Variants in HNF4A observed in about 807,000 individuals in gnomAD.
HNF4A encodes hepatocyte nuclear factor 4 alpha.
HNF4A carries 15 observed loss-of-function variants against 52.4 expected under a neutral mutation model. That is an observed-to-expected ratio of 0.29 (90% CI 0.19 to 0.44). The LOEUF is 0.44. HNF4A is among the 20% of genes least tolerant of loss of function. The pLI is 1.00. For synonymous variants in HNF4A, 280 were observed against 264.4 expected (o/e 1.06, Z -0.57); for missense variants, 479 against 647.2 (o/e 0.74, Z 2.82).
At chr20:44,377,216 A>G (rs892802165) in intron 1 of HNF4A, among the ~76,000 whole-genome samples, 1 of 152,090 alleles carries the variant, frequency 6.6e-6, no homozygotes, top group Non-Finnish European at 1.5e-5. Context: ...GTTCTCACCT[A>G]TACGTGGGGG....
In HNF4A at chr20:44,390,625, A is replaced by T. The variant is rs1232078094; in HGVS notation, c.50-15433A>T. The T allele has an allele frequency of 4.3e-6, 3 of 702,532 alleles. No individual in the cohort carries two copies. The East Asian group carries it at 8.0e-5, about 19-fold the overall frequency. 43.5% of individuals were successfully genotyped at this position (702,532 alleles called of 1,614,324 possible). ...GGTTGTGCACTGTGCGGGACCCCAT[A>T]GCAGCAGGAGGAGGATGTCGGACTG... is the stretch of plus-strand genomic sequence containing the variant. On this transcript the variant is annotated intron_variant, in intron 1 of 9. Coordinates refer to the HNF4A transcript ENST00000316673.
At chr20:44,364,529 G>T (rs907053777) in intron 1 of HNF4A, among the ~76,000 whole-genome samples, 1 of 151,702 alleles carries the variant, frequency 6.6e-6, no homozygotes, top group South Asian at 2.1e-4. Flanking sequence ...GGAGTGCAGC[G>T]GCACGATCTT....
chr20:44,381,915 A>G (rs1301965819), intron 1 of HNF4A, among the ~76,000 whole-genome samples: 1 of 152,202 alleles, frequency 6.6e-6, no homozygotes. Flanking sequence ...CCGGCAGGAA[A>G]GTACTTTGAA....
At chr20:44,401,150 C>A, upstream of HNF4A, 3 of 1,376,476 alleles carry the variant, frequency 2.2e-6, no homozygotes, top group Non-Finnish European at 2.9e-6. Context: ...CCAGCCTATC[C>A]ACCGGCGGGG....
At chr20:44,383,011 A>G (rs192209213) in intron 1 of HNF4A, among the ~76,000 whole-genome samples, 1 of 152,272 alleles carries the variant, frequency 6.6e-6, no homozygotes, top group African/African-American at 2.4e-5. Flanking sequence ...TCTACAAAAT[A>G]TAGAAAAATT....
intron 1 of HNF4A, among the ~76,000 whole-genome samples, chr20:44,404,929 G>GGTGT (rs555098327): frequency 0.42 from 20,571 of 48,700 alleles, 2,055 homozygotes; most frequent in East Asian, 0.67. Context: ...GCTTGTGTGT[G>GGTGT]GTGTGTGTGC....
intron 1 of HNF4A, among the ~76,000 whole-genome samples, chr20:44,367,572 C>T (rs1043657894): frequency 6.7e-5 from 10 of 148,652 alleles, no homozygotes; most frequent in Admixed American, 4.8e-4. Flanking sequence ...ACCCAGGAGG[C>T]GGAGGTTGCA....
At chr20:44,402,575 G>T (rs573523251) in intron 1 of HNF4A, 5 of 1,365,506 alleles carry the variant, frequency 3.7e-6, no homozygotes, top group East Asian at 9.1e-5. Flanking sequence ...GCTGCGTCTC[G>T]CCAGATTGAG....
chr20:44,419,758 G>A lies in HNF4A; in HGVS notation c.774G>A (p.Leu258=). Residue 258 remains leucine, a synonymous_variant, in exon 7 of 10, where the codon CTG becomes CTA. Transcript: ENST00000316099. Reference sequence around the variant, plus strand: ...TTGTCCCTCGGCACTGCCCGGAGCTGGCGGAGATGAGCCGGGTGTCCATAC... The same window carrying A: ...TTGTCCCTCGGCACTGCCCGGAGCTAGCGGAGATGAGCCGGGTGTCCATAC... 1 of 1,614,080 alleles carries A rather than the reference G, an allele frequency of 6.2e-7. No individual in the cohort carries two copies. The highest frequency in any genetic ancestry group is 8.5e-7 in the Non-Finnish European group (1 of 1,179,968).
chr20:44,406,351 G>T (rs745608960), intron 2 of HNF4A, 119 bp downstream of exon 2: 2 of 835,556 alleles, frequency 2.4e-6, no homozygotes, highest in Non-Finnish European at 3.9e-6. Context: ...GGCCTTCAAG[G>T]CTCTTCTGGT....
chr20:44,369,029 CA>C (rs1439891293), intron 1 of HNF4A, among the ~76,000 whole-genome samples: 1 of 151,794 alleles, frequency 6.6e-6, no homozygotes, highest in Non-Finnish European at 1.5e-5. Flanking sequence ...GGGCAGATCA[CA>C]AGGTCAGGAG....
At chr20:44,365,856 A>C (rs2062965163) in intron 1 of HNF4A, among the ~76,000 whole-genome samples, 2 of 152,072 alleles carry the variant, frequency 1.3e-5, no homozygotes, top group Admixed American at 1.3e-4. Context: ...AAAACACAAA[A>C]ATTAGCTGGG....
chr20:44,429,393 C>A, intron 9 of HNF4A, 130 bp from the exon 10 acceptor site: 1 of 960,540 alleles, frequency 1.0e-6, no homozygotes, highest in Non-Finnish European at 1.6e-6. Context: ...TTAATTCTCT[C>A]ATTTTATAGA....
chr20:44,398,569 T>C (rs1185394039), upstream of HNF4A, among the ~76,000 whole-genome samples: 1 of 152,230 alleles, frequency 6.6e-6, no homozygotes, highest in Admixed American at 6.5e-5. Context: ...ATGTATGTAA[T>C]AGATTATGCA....
intron 2 of HNF4A, 135 bp downstream of exon 2, chr20:44,406,367 A>G (rs1007347586): frequency 1.3e-6 from 1 of 749,780 alleles, no homozygotes; most frequent in Non-Finnish European, 2.3e-6. Flanking sequence ...CTGGTTTTGT[A>G]AAAGACTTTG....
intron 1 of HNF4A, among the ~76,000 whole-genome samples, chr20:44,356,416 A>T (rs2062859248): frequency 6.6e-6 from 1 of 152,160 alleles, no homozygotes; most frequent in Non-Finnish European, 1.5e-5. Context: ...AGCATGTGTT[A>T]CTGAGAGTGA....
chr20:44,420,602 A>G (rs1480923149), intron 7 of HNF4A, among the ~76,000 whole-genome samples: 1 of 152,138 alleles, frequency 6.6e-6, no homozygotes, highest in Non-Finnish European at 1.5e-5. Flanking sequence ...CAACATAACA[A>G]GACCTCGTCT....
At chr20:44,421,283 C>T (rs1277566975) in intron 7 of HNF4A, among the ~76,000 whole-genome samples, 1 of 152,188 alleles carries the variant, frequency 6.6e-6, no homozygotes, top group Non-Finnish European at 1.5e-5. Context: ...TTTGCACCTG[C>T]ATTTATACAG....
At chr20:44,389,061 G>C (rs1429323298) in intron 1 of HNF4A, among the ~76,000 whole-genome samples, 1 of 152,316 alleles carries the variant, frequency 6.6e-6, no homozygotes, top group African/African-American at 2.4e-5. Context: ...GCCCTCCTCA[G>C]AGTCCTTCTC....
Sources: gnomAD v4.1 joint callset for allele counts (sites outside exome capture counted in the v4.1 genomes callset) on GRCh38, gnomAD v4.1.1 for gene constraint, MANE v1.5 for transcripts, NCBI Gene and HGNC (gene_info 2026-07-23, HGNC 2026-07-21) for gene names.